Variants in VAMP7 observed in about 807,000 individuals in gnomAD.
The protein encoded by VAMP7 is vesicle associated membrane protein 7, also known as vesicle-associated membrane protein 7.
A neutral mutation model predicts 29.6 loss-of-function variants in VAMP7; 14 were observed. The observed-to-expected ratio is 0.47, with a 90% CI of 0.31 to 0.74. The LOEUF is 0.74. Among genes scored for constraint, VAMP7 ranks in the 30% least tolerant of loss-of-function variants. VAMP7 has a pLI of 0.05. For synonymous variants in VAMP7, 95 were observed against 88.1 expected (o/e 1.08, Z -0.44); for missense variants, 223 against 262.4 (o/e 0.85, Z 1.04).
chrX:155,939,652 A>T, intron 6 of VAMP7, 49 bp from the exon 7 acceptor site: 1 of 1,321,556 alleles, frequency 7.6e-7, no homozygotes, highest in Non-Finnish European at 1.1e-6. Context: ...ACTGCAAATC[A>T]TTCATGTAGT....
chrX:155,926,481 T>C (rs2066468938), intron 6 of VAMP7, among the ~76,000 whole-genome samples: 1 of 152,212 alleles, frequency 6.6e-6, no homozygotes, highest in Non-Finnish European at 1.5e-5. Flanking sequence ...CTTCCTCGCC[T>C]CTCTCAGCCT....
chrX:155,939,651 C>A (rs1345729582), intron 6 of VAMP7, 50 bp from the exon 7 acceptor site: 1 of 1,310,806 alleles, frequency 7.6e-7, no homozygotes, highest in South Asian at 1.2e-5. Context: ...TACTGCAAAT[C>A]ATTCATGTAG....
intron 6 of VAMP7, among the ~76,000 whole-genome samples, chrX:155,930,680 TTC>T (rs1025266229): frequency 1.3e-5 from 2 of 150,438 alleles, no homozygotes; most frequent in African/African-American, 4.9e-5. Context: ...TTTCTTTTAA[TTC>T]TTTTTTATTT....
intron 5 of VAMP7, among the ~76,000 whole-genome samples, chrX:155,906,659 G>A (rs2066151964): frequency 6.6e-6 from 1 of 151,868 alleles, no homozygotes; most frequent in Admixed American, 6.6e-5. Context: ...TTATAAATTG[G>A]TGTTGTATCA....
At chrX:155,916,078 C>G (rs770459834) in intron 5 of VAMP7, among the ~76,000 whole-genome samples, 54 of 152,288 alleles carry the variant, frequency 3.5e-4, no homozygotes, top group African/African-American at 1.3e-3. Context: ...GTTAGCTCTT[C>G]TTGTTGCATT....
intron 5 of VAMP7, 31 bp from the exon 6 acceptor site, chrX:155,919,782 T>G (rs780131684): frequency 6.3e-7 from 1 of 1,586,354 alleles, no homozygotes; most frequent in South Asian, 1.1e-5. Context: ...AATGGAAAAC[T>G]TGACCTTTTC....
intron 6 of VAMP7, among the ~76,000 whole-genome samples, chrX:155,921,417 A>G (rs1041041343): frequency 6.6e-5 from 10 of 152,042 alleles, no homozygotes; most frequent in Admixed American, 2.6e-4. Context: ...ATAATCCCCA[A>G]TAGACGTAAT....
At chrX:155,910,511 A>T (rs2066221499) in intron 5 of VAMP7, among the ~76,000 whole-genome samples, 2 of 151,212 alleles carry the variant, frequency 1.3e-5, no homozygotes, top group Non-Finnish European at 2.9e-5. Flanking sequence ...TTTAATTTTT[A>T]GTTTTTGGGG....
chrX:155,902,508 T>C (rs1357259887), intron 5 of VAMP7, among the ~76,000 whole-genome samples: 3 of 149,612 alleles, frequency 2.0e-5, no homozygotes, highest in Non-Finnish European at 4.5e-5. Flanking sequence ...TGTGGGTTTG[T>C]CATAGATAGC....
At chrX:155,926,418 T>A (rs1450831583) in intron 6 of VAMP7, among the ~76,000 whole-genome samples, 2 of 152,216 alleles carry the variant, frequency 1.3e-5, no homozygotes, top group Non-Finnish European at 2.9e-5. Flanking sequence ...GATGGCTTCT[T>A]TCCTTAAACC....
At chrX:155,916,626 G>T (rs1415611153) in intron 5 of VAMP7, among the ~76,000 whole-genome samples, 2 of 152,076 alleles carry the variant, frequency 1.3e-5, no homozygotes, top group African/African-American at 2.4e-5. Context: ...GCTTAGTTTG[G>T]TTGGATATGA....
chrX:155,918,743 G>C (rs1012033269), intron 5 of VAMP7, among the ~76,000 whole-genome samples: 1 of 152,160 alleles, frequency 6.6e-6, no homozygotes, highest in African/African-American at 2.4e-5. Context: ...GACCAGAGCT[G>C]TTCCTATTCG....
intron 5 of VAMP7, among the ~76,000 whole-genome samples, chrX:155,901,314 T>G (rs2066058586): frequency 2.0e-5 from 3 of 152,088 alleles, no homozygotes; most frequent in Non-Finnish European, 4.4e-5. Flanking sequence ...TATATCTAGA[T>G]AGAGACTAGA....
At chrX:155,889,197 A>G (rs1264855278) in intron 1 of VAMP7, among the ~76,000 whole-genome samples, 4 of 152,150 alleles carry the variant, frequency 2.6e-5, no homozygotes, top group African/African-American at 7.2e-5. Flanking sequence ...TGTAAATGCA[A>G]GCTATCAATG....
At chrX:155,938,723 G>A (rs1371478802) in intron 6 of VAMP7, among the ~76,000 whole-genome samples, 3 of 152,288 alleles carry the variant, frequency 2.0e-5, no homozygotes, top group Non-Finnish European at 2.9e-5. Flanking sequence ...GGCTGAGGTG[G>A]GAGGATCGTT....
At chrX:155,919,447 A>G (rs1844504503) in intron 5 of VAMP7, among the ~76,000 whole-genome samples, 1 of 152,200 alleles carries the variant, frequency 6.6e-6, no homozygotes, top group Non-Finnish European at 1.5e-5. Flanking sequence ...TTAATATGCA[A>G]GGACTTTTTC....
intron 5 of VAMP7, among the ~76,000 whole-genome samples, chrX:155,915,745 C>T (rs1041577011): frequency 2.1e-4 from 32 of 152,118 alleles, no homozygotes; most frequent in Middle Eastern, 3.4e-3. Flanking sequence ...GTTACGATTT[C>T]CATTTTTTGC....
At chrX:155,920,219 G>A (rs1490702789) in intron 6 of VAMP7, among the ~76,000 whole-genome samples, 1 of 152,136 alleles carries the variant, frequency 6.6e-6, no homozygotes, top group Non-Finnish European at 1.5e-5. Flanking sequence ...TGAAACAAAT[G>A]TGCAAGCCGT....
chrX:155,887,201 G>T (rs2065875515), intron 1 of VAMP7, among the ~76,000 whole-genome samples: 1 of 151,764 alleles, frequency 6.6e-6, no homozygotes, highest in Non-Finnish European at 1.5e-5. Flanking sequence ...CTCAACTGTT[G>T]GTTGTGCTTT....
Sources: allele counts gnomAD v4.1 joint callset (sites outside exome capture counted in the v4.1 genomes callset), GRCh38; gene constraint gnomAD v4.1.1; transcripts MANE v1.5; gene names NCBI Gene and HGNC (gene_info 2026-07-23, HGNC 2026-07-21).